The following BBX variants were observed in gnomAD, a reference collection of about 807,000 sequenced individuals.
BBX encodes BBX high mobility group box domain containing, also known as HMG box transcription factor BBX.
A neutral mutation model predicts 100.2 loss-of-function variants in BBX; 30 were observed. That is an observed-to-expected ratio of 0.30 (90% CI 0.22 to 0.41). BBX has a LOEUF of 0.41. BBX is among the 10% of genes least tolerant of loss of function. The pLI, the probability that BBX is intolerant of heterozygous loss-of-function variation, is 1.00. For synonymous variants in BBX, 376 were observed against 388.1 expected, an observed-to-expected ratio of 0.97 and a Z score of 0.37; for missense variants, 1,023 against 1,129.8, an observed-to-expected ratio of 0.91 and a Z score of 1.35.
chr3:107,805,277 CAAGATA>C (rs2070973087), intron 17 of BBX, 87 bp from the exon 18 acceptor site: 1 of 1,347,592 alleles, frequency 7.4e-7, no homozygotes, highest in South Asian at 1.6e-5. Context: ...AACTGTTAAA[CAAGATA>C]TTGGAACACA....
intron 6 of BBX, among the ~76,000 whole-genome samples, chr3:107,730,988 C>A (rs373999523): frequency 4.1e-4 from 63 of 152,228 alleles, no homozygotes; most frequent in African/African-American, 1.3e-3. Flanking sequence ...CCCAGTAGTC[C>A]TTGTCACATG....
At chr3:107,619,693 C>G (rs1040261299) in intron 2 of BBX, among the ~76,000 whole-genome samples, 1 of 151,906 alleles carries the variant, frequency 6.6e-6, no homozygotes, top group Non-Finnish European at 1.5e-5. Context: ...CTTTCCATTG[C>G]TGAAGGGTAT....
intron 4 of BBX, among the ~76,000 whole-genome samples, chr3:107,714,284 C>T (rs988318055): frequency 2.0e-5 from 3 of 152,054 alleles, no homozygotes; most frequent in Non-Finnish European, 4.4e-5. Flanking sequence ...ATTTGTTTCT[C>T]ACAATGTAGC....
intron 2 of BBX, among the ~76,000 whole-genome samples, chr3:107,572,679 C>G (rs1480894375): frequency 6.6e-6 from 1 of 151,792 alleles, no homozygotes; most frequent in Non-Finnish European, 1.5e-5. Flanking sequence ...AATTATCAAC[C>G]CTCAAATAAA....
At position 107,798,732 on chromosome 3, in the gene BBX, G is replaced by A; in HGVS notation, c.2551+12G>A. 6.2e-7 allele frequency: 1 copy of A among 1,610,234 alleles called. No homozygotes were observed. The highest frequency in any genetic ancestry group is 8.5e-7 in the Non-Finnish European group (1 of 1,177,872). ...AGGAGGTACTTTGGGTAAGAAGAGA[G>A]AGCTTTAGACCAGAGGTGTCCAATC... On this transcript the variant is annotated intron_variant, in intron 16 of 17. Transcript: ENST00000325805.
intron 7 of BBX, among the ~76,000 whole-genome samples, chr3:107,743,777 T>A (rs995324889): frequency 6.6e-6 from 1 of 152,114 alleles, no homozygotes; most frequent in Non-Finnish European, 1.5e-5. Flanking sequence ...AAAGTTTTTT[T>A]AAAAAAGAAC....
At position 107,767,600 on chromosome 3, in the gene BBX, C is replaced by A. The variant is rs1036348360; in HGVS notation, c.907-5028C>A. Among the ~76,000 whole-genome samples the A allele has an allele frequency of 2.6e-5, 4 of 152,030 alleles. 1 individual carries two copies. The highest frequency in any genetic ancestry group is 9.7e-5 in the African/African-American group (4 of 41,396). On this transcript the variant is annotated intron_variant, in intron 10 of 17. Coordinates refer to ENST00000325805, the MANE Select transcript of BBX (RefSeq NM_001142568.3). ...CACTTTAATTTTTAAAAAGAATAAG[C>A]CTGATTTCTCAAATACAGACGATTA...
chr3:107,673,675 T>A (rs2059137062), intron 3 of BBX, among the ~76,000 whole-genome samples: 1 of 152,148 alleles, frequency 6.6e-6, no homozygotes, highest in African/African-American at 2.4e-5. Context: ...GACAACCGGA[T>A]AATTATTATA....
chr3:107,747,922 GAA>G (rs778263650), intron 8 of BBX, 41 bp from the exon 9 acceptor site: 2 of 1,525,666 alleles, frequency 1.3e-6, no homozygotes, highest in Non-Finnish European at 1.8e-6. Context: ...ATCTGATGTG[GAA>G]AAATGTCATT....
intron 8 of BBX, among the ~76,000 whole-genome samples, chr3:107,746,374 A>G (rs1053296429): frequency 6.6e-6 from 1 of 152,172 alleles, no homozygotes; most frequent in Non-Finnish European, 1.5e-5. Flanking sequence ...GATAAGATTC[A>G]TGGTTTGACC....
At chr3:107,778,593 C>T (rs777810280) in intron 13 of BBX, 74 bp downstream of exon 13, 2 of 1,479,420 alleles carry the variant, frequency 1.4e-6, no homozygotes, top group African/African-American at 1.4e-5. Flanking sequence ...TTTTAGCTCC[C>T]TTTAGACATA....
At chr3:107,719,660 A>G (rs1339382206) in intron 5 of BBX, among the ~76,000 whole-genome samples, 2 of 152,088 alleles carry the variant, frequency 1.3e-5, no homozygotes, top group Admixed American at 6.6e-5. Flanking sequence ...TTAAAAGACT[A>G]TTCTAAGAAT....
intron 13 of BBX, among the ~76,000 whole-genome samples, chr3:107,787,472 G>A (rs1234584717): frequency 6.6e-6 from 1 of 152,132 alleles, no homozygotes; most frequent in East Asian, 1.9e-4. Context: ...GGAGATTAGA[G>A]GTTGCTTAGG....
At chr3:107,775,178 T>A (rs2067226112) in intron 12 of BBX, among the ~76,000 whole-genome samples, 1 of 152,212 alleles carries the variant, frequency 6.6e-6, no homozygotes, top group Non-Finnish European at 1.5e-5. Context: ...ATGGATAGTA[T>A]TAGCATGTTT....
intron 3 of BBX, among the ~76,000 whole-genome samples, chr3:107,652,495 C>T (rs1426889612): frequency 6.6e-6 from 1 of 150,736 alleles, no homozygotes; most frequent in Non-Finnish European, 1.5e-5. Context: ...TCCCTAAAAG[C>T]TATTTATGAA....
chr3:107,524,614 A>AGGGGGGGGG (rs35467685), intron 1 of BBX: 2 of 53,916 alleles, frequency 3.7e-5, no homozygotes, highest in African/African-American at 7.9e-5. Flanking sequence ...TGTACGACAG[A>AGGGGGGGGG]GGGGGGGGGG....
chr3:107,552,327 C>T (rs942057786), intron 2 of BBX, among the ~76,000 whole-genome samples: 2 of 73,192 alleles, frequency 2.7e-5, no homozygotes, highest in Non-Finnish European at 4.9e-5. Context: ...GCCTGGGCAA[C>T]AGAAGAAACC....
At chr3:107,678,293 A>G (rs2059389430) in intron 3 of BBX, among the ~76,000 whole-genome samples, 1 of 151,590 alleles carries the variant, frequency 6.6e-6, no homozygotes, top group Admixed American at 6.6e-5. Flanking sequence ...TTCTTTACCT[A>G]AGGGTATTTA....
chr3:107,736,034 G>T (rs1025177639), intron 7 of BBX, among the ~76,000 whole-genome samples: 1 of 151,900 alleles, frequency 6.6e-6, no homozygotes, highest in Non-Finnish European at 1.5e-5. Flanking sequence ...ACATTGAAAT[G>T]CATAAATTAT....
Sources: allele counts gnomAD v4.1 joint callset (sites outside exome capture counted in the v4.1 genomes callset), GRCh38; gene constraint gnomAD v4.1.1; transcripts MANE v1.5; gene names NCBI Gene and HGNC (gene_info 2026-07-23, HGNC 2026-07-21).